The following RANBP2 variants were observed in gnomAD, a reference collection of about 807,000 sequenced individuals.
RANBP2 encodes the protein RAN binding protein 2.
RANBP2 carries 57 observed loss-of-function variants against 303.6 expected under a neutral mutation model. The observed-to-expected ratio is 0.19, with a 90% CI of 0.15 to 0.23. RANBP2 has a LOEUF of 0.23. Ranked by LOEUF, RANBP2 falls within the 10% of genes least tolerant of loss-of-function variation. The probability of loss-of-function intolerance (pLI) is 1.00; values close to 1 mark genes in which losing one functional copy is unlikely to be tolerated. For missense variants in RANBP2, 3,138 were observed against 3,780.8 expected (o/e 0.83, Z 4.46); for synonymous variants, 1,167 against 1,301.5 (o/e 0.90, Z 2.23).
Position 108,754,993 on chromosome 2 carries a change from A to C in RANBP2, c.2291A>C (p.Lys764Thr), listed in dbSNP as rs1676187100. 1 of 1,611,736 alleles carries C rather than the reference A, an allele frequency of 6.2e-7. No individual in the cohort carries two copies. The highest frequency in any genetic ancestry group is 1.1e-5 in the South Asian group (1 of 90,994). Residue 764 changes from lysine to threonine, a missense_variant, in exon 16 of 29, where the codon AAA becomes ACA. By Grantham distance (78) the Lys-to-Thr change is moderately conservative. Around this residue, in one of 20 missense-constraint regions of RANBP2, gnomAD observed 194 missense variants for 197.4 expected, o/e 0.98. Coordinates refer to ENST00000283195, the MANE Select transcript of RANBP2 (RefSeq NM_006267.5). ...TATAGTGAAGGAGGTCCTCTCTATA[A>C]AAATGGTTCTTTGCGAAATGCAGAT... Reference protein sequence around the residue: ...EDYSEGGPLYKNGSLRNADSE... With the variant: ...EDYSEGGPLYTNGSLRNADSE...
At chr2:109,645,218 G>A in the RANBP2 span, among the ~76,000 whole-genome samples, 79 of 152,324 alleles carry the variant, frequency 5.2e-4, 1 homozygote, top group Non-Finnish European at 9.7e-4. Context: ...AGTTGCCAGC[G>A]AGAGGCAACC....
the RANBP2 span, among the ~76,000 whole-genome samples, chr2:109,116,700 A>G: frequency 4.6e-5 from 7 of 152,122 alleles, no homozygotes; most frequent in Non-Finnish European, 8.8e-5. Flanking sequence ...GGAGGAGGAG[A>G]GGTGCTCTGC....
chr2:109,140,868 G>A, the RANBP2 span, among the ~76,000 whole-genome samples: 1 of 152,164 alleles, frequency 6.6e-6, no homozygotes, highest in Non-Finnish European at 1.5e-5. Context: ...TCTGGCCCCA[G>A]GGGTATCAGT....
chr2:109,490,716 G>T, the RANBP2 span: 1 of 1,534,674 alleles, frequency 6.5e-7, no homozygotes, highest in Non-Finnish European at 8.7e-7. Flanking sequence ...GGCCGTGGAC[G>T]CCCTGCTCCA....
At chr2:109,692,467 A>G in the RANBP2 span, among the ~76,000 whole-genome samples, 1 of 152,174 alleles carries the variant, frequency 6.6e-6, no homozygotes, top group African/African-American at 2.4e-5. Flanking sequence ...TTATATCTCA[A>G]TAAAAATCAA....
the RANBP2 span, among the ~76,000 whole-genome samples, chr2:109,625,591 G>A: frequency 2.1e-3 from 313 of 151,932 alleles, 2 homozygotes; most frequent in African/African-American, 7.3e-3. Flanking sequence ...GCTTGAACTC[G>A]GGAGGTGGAG....
chr2:109,307,226 C>A, the RANBP2 span, among the ~76,000 whole-genome samples: 7 of 152,134 alleles, frequency 4.6e-5, no homozygotes, highest in South Asian at 2.1e-4. Context: ...TTCATAATTA[C>A]CTTTTTGCAC....
the RANBP2 span, among the ~76,000 whole-genome samples, chr2:109,185,137 G>A: frequency 1.3e-5 from 2 of 152,152 alleles, no homozygotes; most frequent in Non-Finnish European, 1.5e-5. Context: ...TAGACAGTTT[G>A]GATTGCATCT....
chr2:109,170,284 CTTCTCTTCTCT>C, the RANBP2 span, among the ~76,000 whole-genome samples: 5 of 128,428 alleles, frequency 3.9e-5, no homozygotes, highest in East Asian at 6.8e-4. Context: ...CTTCTCTTCT[CTTCTCTTCTCT>C]TCTCTTCTCT....
chr2:109,568,497 A>C, the RANBP2 span, among the ~76,000 whole-genome samples: 27 of 150,718 alleles, frequency 1.8e-4, no homozygotes, highest in African/African-American at 6.1e-4. Context: ...TCAACCTCCC[A>C]AGTAGCTGGG....
the RANBP2 span, among the ~76,000 whole-genome samples, chr2:109,089,567 C>A: frequency 2.0e-5 from 3 of 152,132 alleles, no homozygotes; most frequent in African/African-American, 7.2e-5. Flanking sequence ...GATGGCACTA[C>A]CGCACTCCAG....
chr2:108,755,293 A>G (rs764496883), intron 17 of RANBP2, 34 bp downstream of exon 17: 4 of 1,611,142 alleles, frequency 2.5e-6, no homozygotes, highest in Non-Finnish European at 3.4e-6. Flanking sequence ...TGTACTTTTT[A>G]TTCCAAGATT....
chr2:109,112,323 T>G, the RANBP2 span, among the ~76,000 whole-genome samples: 1 of 152,112 alleles, frequency 6.6e-6, no homozygotes, highest in African/African-American at 2.4e-5. Context: ...ATGATTGCTA[T>G]TCTAACTGGT....
chr2:109,144,694 C>G, the RANBP2 span, among the ~76,000 whole-genome samples: 5 of 152,220 alleles, frequency 3.3e-5, no homozygotes, highest in African/African-American at 1.2e-4. Flanking sequence ...TGCACTGGGT[C>G]CAGGTTGGGC....
chr2:109,661,824 C>T, the RANBP2 span, among the ~76,000 whole-genome samples: 1 of 152,206 alleles, frequency 6.6e-6, no homozygotes, highest in Non-Finnish European at 1.5e-5. Flanking sequence ...AAAGCCTGCT[C>T]CTCCTACTCT....
chr2:109,149,226 C>G, the RANBP2 span, among the ~76,000 whole-genome samples: 1 of 152,100 alleles, frequency 6.6e-6, no homozygotes, highest in East Asian at 1.9e-4. Context: ...TGCTTTTATT[C>G]GGACTTCTCT....
the RANBP2 span, among the ~76,000 whole-genome samples, chr2:109,723,193 C>A: frequency 6.6e-6 from 1 of 152,100 alleles, no homozygotes; most frequent in Non-Finnish European, 1.5e-5. Context: ...ACTCTGTCAC[C>A]CAGGCTGGAG....
At chr2:108,744,907 C>A (rs1322015853) in intron 7 of RANBP2, among the ~76,000 whole-genome samples, 1 of 152,176 alleles carries the variant, frequency 6.6e-6, no homozygotes, top group Non-Finnish European at 1.5e-5. Flanking sequence ...ACATATATAT[C>A]TCCTGTCTTT....
chr2:109,295,797 G>A, the RANBP2 span, among the ~76,000 whole-genome samples: 2 of 152,154 alleles, frequency 1.3e-5, no homozygotes, highest in Admixed American at 6.5e-5. Flanking sequence ...GACTCTGGCC[G>A]GCTTTACGGA....
Sources: gnomAD v4.1 joint callset for allele counts (sites outside exome capture counted in the v4.1 genomes callset) on GRCh38, gnomAD v4.1.1 for gene constraint, gnomAD v4.1.1 regional missense constraint, MANE v1.5 for transcripts, NCBI Gene and HGNC (gene_info 2026-07-23, HGNC 2026-07-21) for gene names.